Variants in PTPRK observed in about 807,000 individuals in gnomAD.
PTPRK encodes the protein receptor-type tyrosine-protein phosphatase kappa.
PTPRK carries 75 observed loss-of-function variants against 178.0 expected under a neutral mutation model. The ratio of observed to expected loss-of-function variants is 0.42; its 90% confidence interval spans 0.35 to 0.51. The LOEUF (loss-of-function observed/expected upper bound fraction) is 0.51. PTPRK is among the 20% of genes least tolerant of loss of function. The pLI is 0.02. For missense variants in PTPRK, 1,441 were observed against 1,797.8 expected (o/e 0.80, Z 3.59); for synonymous variants, 637 against 620.6 (o/e 1.03, Z -0.39).
chr6:128,044,943 G>A (rs1777807620), intron 13 of PTPRK, among the ~76,000 whole-genome samples: 1 of 151,914 alleles, frequency 6.6e-6, no homozygotes, highest in Non-Finnish European at 1.5e-5. Flanking sequence ...CTAGAATCAT[G>A]CCTGGTACAC....
At chr6:128,041,044 AT>A (rs1164015113) in intron 13 of PTPRK, among the ~76,000 whole-genome samples, 3 of 152,108 alleles carry the variant, frequency 2.0e-5, no homozygotes, top group Non-Finnish European at 4.4e-5. Flanking sequence ...AGTATATGGC[AT>A]TTTTTAATAA....
chr6:128,281,285 T>C lies in PTPRK; in HGVS notation c.496-38683A>G, dbSNP rs548690358. Reference sequence around the variant, plus strand: ...ATAAAGCGAAGGCAGGAGGTGCTGATTGAGCTTTAGGGTCTAATGGTAAAG... The same window carrying C: ...ATAAAGCGAAGGCAGGAGGTGCTGACTGAGCTTTAGGGTCTAATGGTAAAG... On this transcript the variant is annotated intron_variant, in intron 3 of 29. Transcript: ENST00000368226. Among the ~76,000 whole-genome samples, 437 of 152,310 alleles carry C rather than the reference T, an allele frequency of 2.9e-3. 2 individuals are homozygous for C. The highest frequency in any genetic ancestry group is 6.5e-3 in the Admixed American group (99 of 15,296).
At chr6:128,079,207 C>T (rs527912602) in intron 10 of PTPRK, among the ~76,000 whole-genome samples, 1 of 152,038 alleles carries the variant, frequency 6.6e-6, no homozygotes, top group African/African-American at 2.4e-5. Flanking sequence ...TTCCTGAGAC[C>T]TTCAAGTGAG....
At chr6:128,389,940 T>C (rs1003426430) in intron 2 of PTPRK, among the ~76,000 whole-genome samples, 1 of 152,124 alleles carries the variant, frequency 6.6e-6, no homozygotes, top group African/African-American at 2.4e-5. Context: ...CCAGCCTTCA[T>C]TAAGTGGCTT....
chr6:128,224,002 G>A (rs922833758), intron 5 of PTPRK, among the ~76,000 whole-genome samples: 17 of 152,182 alleles, frequency 1.1e-4, no homozygotes, highest in African/African-American at 3.6e-4. Flanking sequence ...GGCTTCCAAC[G>A]ATTCATTAGA....
chr6:128,203,080 C>T lies in PTPRK; in HGVS notation c.868+15842G>A, dbSNP rs4131020. On this transcript the variant is annotated intron_variant, in intron 6 of 29. Coordinates refer to ENST00000368226, the MANE Select transcript of PTPRK (RefSeq NM_002844.4). The stretch of plus-strand genomic sequence containing the variant: ...ACCATGATCAAGTTGGCTTCTTCCC[C>T]GGGATGCAAGGTTGGTTCAACATAC... 7.3e-3 allele frequency among the ~76,000 whole-genome samples: 1,115 copies of T among 152,142 alleles called. 43 individuals carry two copies. Among genetic ancestry groups the T allele is most frequent in the East Asian group, 0.019 (96 of 5,180 alleles).
At chr6:128,191,631 AT>A (rs1803803858) in intron 6 of PTPRK, among the ~76,000 whole-genome samples, 1 of 152,266 alleles carries the variant, frequency 6.6e-6, no homozygotes, top group Admixed American at 6.5e-5. Context: ...CTTGATAATT[AT>A]TTCAAATTGT....
At chr6:128,285,944 T>C (rs1409153188) in intron 3 of PTPRK, among the ~76,000 whole-genome samples, 1 of 152,120 alleles carries the variant, frequency 6.6e-6, no homozygotes, top group Non-Finnish European at 1.5e-5. Context: ...CTCCTTCCCC[T>C]GCCTTGTTCG....
At chr6:128,366,724 T>C (rs567938543) in intron 2 of PTPRK, among the ~76,000 whole-genome samples, 1 of 152,252 alleles carries the variant, frequency 6.6e-6, no homozygotes, top group African/African-American at 2.4e-5. Context: ...AATGAGGATG[T>C]GGAGGCATGT....
In PTPRK at chr6:128,428,985, G is replaced by C. The variant is rs185531996; in HGVS notation, c.101-31297C>G. Among the ~76,000 whole-genome samples the C allele has an allele frequency of 2.8e-3, 424 of 152,264 alleles. 4 individuals are homozygous for C. The highest frequency in any genetic ancestry group is 9.8e-3 in the African/African-American group (406 of 41,556). On this transcript the variant is annotated intron_variant, in intron 1 of 29. Coordinates refer to ENST00000368226, the MANE Select transcript of PTPRK (RefSeq NM_002844.4). ...TAAGCTAGGTTGTAATTTTCATTAG[G>C]TTAGGTGTATTAAAAGTATTTCTAC...
intron 3 of PTPRK, among the ~76,000 whole-genome samples, chr6:128,301,877 A>T (rs1825667944): frequency 6.6e-6 from 1 of 152,156 alleles, no homozygotes; most frequent in African/African-American, 2.4e-5. Context: ...TATCTCAGGG[A>T]TTTATGTTCT....
chr6:128,402,301 A>T (rs1841128270), intron 1 of PTPRK, among the ~76,000 whole-genome samples: 2 of 152,162 alleles, frequency 1.3e-5, no homozygotes, highest in African/African-American at 4.8e-5. Context: ...TCTGTCGCCC[A>T]GGCTAGAGTG....
At chr6:128,133,779 T>C (rs1794611790) in intron 7 of PTPRK, among the ~76,000 whole-genome samples, 1 of 152,024 alleles carries the variant, frequency 6.6e-6, no homozygotes, top group African/African-American at 2.4e-5. Context: ...TCTCGAACTC[T>C]TGGGCTCAAG....
intron 10 of PTPRK, among the ~76,000 whole-genome samples, chr6:128,081,144 G>A (rs1381633112): frequency 6.6e-6 from 1 of 151,994 alleles, no homozygotes; most frequent in Admixed American, 6.6e-5. Context: ...TAGCACTGCT[G>A]CTAATTCCAG....
intron 1 of PTPRK, among the ~76,000 whole-genome samples, chr6:128,470,248 G>T (rs1280579247): frequency 7.0e-6 from 1 of 143,742 alleles, no homozygotes; most frequent in Non-Finnish European, 1.5e-5. Context: ...TCATCCTTGG[G>T]TCTCAGTTTT....
intron 1 of PTPRK, among the ~76,000 whole-genome samples, chr6:128,503,842 T>TTGTGTGTGTGTGTGTGTGTGTG (rs57723685): frequency 8.7e-4 from 122 of 139,958 alleles, no homozygotes; most frequent in Middle Eastern, 3.7e-3. Context: ...CTGGTTATTA[T>TTGTGTGTGTGTGTGTGTGTGTG]TGTGTGTGTG....
At chr6:128,201,077 G>T (rs540833199) in intron 6 of PTPRK, among the ~76,000 whole-genome samples, 1 of 152,130 alleles carries the variant, frequency 6.6e-6, no homozygotes, top group South Asian at 2.1e-4. Flanking sequence ...GACTTTCTTT[G>T]ATTACTAAGC....
chr6:128,107,025 T>C (rs1394255978), intron 7 of PTPRK, among the ~76,000 whole-genome samples: 1 of 152,100 alleles, frequency 6.6e-6, no homozygotes, highest in Admixed American at 6.5e-5. Flanking sequence ...CTTGGCTAAT[T>C]TTTGGATTGT....
chr6:128,273,019 C>T (rs1820114983), intron 3 of PTPRK, among the ~76,000 whole-genome samples: 2 of 152,264 alleles, frequency 1.3e-5, no homozygotes, highest in East Asian at 3.9e-4. Context: ...CCATTGAATA[C>T]TATGCAGCTA....
Sources: gnomAD v4.1 joint callset for allele counts (sites outside exome capture counted in the v4.1 genomes callset) on GRCh38, gnomAD v4.1.1 for gene constraint, MANE v1.5 for transcripts, NCBI Gene and HGNC (gene_info 2026-07-23, HGNC 2026-07-21) for gene names.